Variants in CCDC93 observed in about 807,000 individuals in gnomAD.
The protein encoded by CCDC93 is coiled-coil domain-containing protein 93.
CCDC93 carries 61 observed loss-of-function variants against 108.2 expected under a neutral mutation model. The ratio of observed to expected loss-of-function variants is 0.56; its 90% CI spans 0.46 to 0.70. CCDC93 has a LOEUF of 0.70. Among genes scored for constraint, CCDC93 ranks in the 30% least tolerant of loss-of-function variants. The probability of loss-of-function intolerance (pLI) is 0.00; values close to 1 mark genes in which losing one functional copy is unlikely to be tolerated. For synonymous variants in CCDC93, 276 were observed against 260.4 expected (o/e 1.06, Z -0.58); for missense variants, 685 against 764.2 (o/e 0.90, Z 1.22).
Position 117,995,497 on chromosome 2 carries a change from A to C in CCDC93, c.468T>G (p.Asp156Glu). Residue 156 changes from aspartate (D) to glutamate (E), a missense_variant, in exon 6 of 24, where the codon GAT becomes GAG. Physicochemically the swap from Asp to Glu is conservative, Grantham distance 45 (BLOSUM62 2). Transcript: ENST00000376300. ...FQKTYSLPED[D>E]DFIKRKEKAI... ...CCTTTTCTTTTCTCTTTATGAAGTC[A>C]TCATCCTACAAGACAAAACAGAGCG... is the stretch of plus-strand genomic sequence containing the variant. 6.2e-7 allele frequency: 1 copy of C among 1,613,010 alleles called. No individual in the cohort carries two copies. The highest frequency in any genetic ancestry group is 2.2e-5 in the East Asian group (1 of 44,890).
chr2:117,990,666 TTG>T (rs1680449986), intron 6 of CCDC93, among the ~76,000 whole-genome samples: 1 of 151,760 alleles, frequency 6.6e-6, no homozygotes, highest in East Asian at 1.9e-4. Context: ...CAAACTATAG[TTG>T]AACTAGTTCC....
Position 117,917,911 on chromosome 2 carries a change from G to A in CCDC93, c.*2432C>T, listed in dbSNP as rs1220518264. 6.6e-6 allele frequency: 1 copy of A among 152,244 alleles called. No individual in the cohort carries two copies. Among genetic ancestry groups the A allele is most frequent in the Non-Finnish European group, 1.5e-5 (1 of 68,066 alleles). The allele number at this position is 152,244 out of a possible 1,614,324, so 9.4% of individuals were successfully genotyped here. A position where few individuals can be genotyped will look rare whatever the true frequency, so the allele number is the denominator to read the frequency against. ...AGCAACTCCCTGTGCTGATTGAGCAGGGAGCCTCTCTCTCCTGGGGAAACC... is the reference window on the plus strand; with the variant it reads ...AGCAACTCCCTGTGCTGATTGAGCAAGGAGCCTCTCTCTCCTGGGGAAACC... On this transcript the variant is annotated 3_prime_UTR_variant, in exon 24 of 24. Coordinates refer to ENST00000376300, the MANE Select transcript of CCDC93 (RefSeq NM_019044.5).
rs1015983933 is a variant in CCDC93, at chr2:117,935,587, A to G, written c.1644-8T>C. 5 of 1,606,848 alleles carry G rather than the reference A, an allele frequency of 3.1e-6. No homozygotes were observed. The Admixed American group carries it at 5.0e-5, about 16-fold the overall frequency. ...GCAGGGGAGGCCATGGCCCTGAAAG[A>G]AAAACCAGTAGAGTTATGACCGGCA... On this transcript the variant is annotated splice_polypyrimidine_tract_variant and splice_region_variant and intron_variant, in intron 21 of 23. Coordinates refer to ENST00000376300, the MANE Select transcript of CCDC93 (RefSeq NM_019044.5).
chr2:117,952,277 CACACAGACCGATGAA>C lies in CCDC93; in HGVS notation c.1068+81_1068+95del, dbSNP rs1261452905. 5 of 863,688 alleles carry C rather than the reference CACACAGACCGATGAA, an allele frequency of 5.8e-6. No homozygotes were observed. In the African/African-American group the frequency reaches 8.3e-5, roughly 14 times the overall value. The allele number at this position is 863,688 out of a possible 1,614,324, so 53.5% of individuals were successfully genotyped here. On this transcript the variant is annotated intron_variant, in intron 13 of 23. Transcript: ENST00000376300. The stretch of plus-strand genomic sequence containing the variant: ...TCTGAGAACAGGATCGTGTCTCCCA[CACACAGACCGATGAA>C]ACACATCATTCCATTAGTGGTTCAG...
chr2:118,002,479 G>A (rs1249909310), intron 3 of CCDC93, among the ~76,000 whole-genome samples: 3 of 152,290 alleles, frequency 2.0e-5, no homozygotes, highest in Admixed American at 1.3e-4. Context: ...CTGGTATCTG[G>A]AAAATAGCTT....
chr2:117,976,396 T>C (rs868847385), intron 8 of CCDC93, among the ~76,000 whole-genome samples: 11 of 152,112 alleles, frequency 7.2e-5, no homozygotes, highest in African/African-American at 2.2e-4. Context: ...AAACATGATA[T>C]ACTCAAATCC....
At chr2:117,930,097 AG>A in intron 23 of CCDC93, among the ~76,000 whole-genome samples, 1 of 152,236 alleles carries the variant, frequency 6.6e-6, no homozygotes, top group Non-Finnish European at 1.5e-5. Flanking sequence ...TGTGGCTTCT[AG>A]AAGTTAAATC....
At chr2:118,002,878 A>C (rs1397612250) in intron 3 of CCDC93, among the ~76,000 whole-genome samples, 2 of 152,202 alleles carry the variant, frequency 1.3e-5, no homozygotes, top group African/African-American at 4.8e-5. Context: ...CTGCATAAAA[A>C]AATTTAAAAA....
chr2:117,980,734 T>C (rs1237351423), intron 7 of CCDC93, among the ~76,000 whole-genome samples: 2 of 152,236 alleles, frequency 1.3e-5, no homozygotes, highest in African/African-American at 4.8e-5. Flanking sequence ...CATTTCAAAG[T>C]GTATTGCTCA....
chr2:117,933,381 G>A (rs1178745343), intron 22 of CCDC93, among the ~76,000 whole-genome samples: 2 of 152,112 alleles, frequency 1.3e-5, no homozygotes, highest in Non-Finnish European at 2.9e-5. Flanking sequence ...TTACTCAGAC[G>A]TACCATTGTT....
intron 10 of CCDC93, among the ~76,000 whole-genome samples, chr2:117,974,203 C>T (rs965049835): frequency 8.5e-5 from 13 of 152,066 alleles, no homozygotes; most frequent in African/African-American, 1.9e-4. Flanking sequence ...AGTCACTGAG[C>T]GGATGGTGCT....
At chr2:117,951,404 TGAAGA>T (rs1353220559) in intron 13 of CCDC93, 35 of 985,306 alleles carry the variant, frequency 3.6e-5, no homozygotes, top group Admixed American at 6.1e-5. Context: ...TGACAATAAC[TGAAGA>T]GGTTAGTCCA....
chr2:117,920,539 T>C, intron 23 of CCDC93, 143 bp from the exon 24 acceptor site: 2 of 504,596 alleles, frequency 4.0e-6, no homozygotes. Flanking sequence ...GCCGCCAGGA[T>C]GGTGAAGCTT....
At position 117,945,579 on chromosome 2, in the gene CCDC93, G is replaced by A. The variant is rs1165607279; in HGVS notation, c.1300C>T (p.Leu434Phe). The A allele has an allele frequency of 2.5e-6, 4 of 1,613,570 alleles. No individual in the cohort carries two copies. Among genetic ancestry groups the A allele is most frequent in the South Asian group, 1.1e-5 (1 of 91,074 alleles). Residue 434 changes from leucine to phenylalanine, a missense_variant, in exon 17 of 24, where the codon CTC (leucine) becomes TTC (phenylalanine). Coordinates refer to ENST00000376300, the MANE Select transcript of CCDC93 (RefSeq NM_019044.5). ...ERAPRGDEKT[L>F]SSGEPPGTLT... ...GTACCAGGCGGCTCTCCACTGGAGA[G>A]GGTCTGAAACAATGAAAACATAATA...
intron 23 of CCDC93, among the ~76,000 whole-genome samples, chr2:117,928,088 T>TA (rs141245665): frequency 0.37 from 55,497 of 152,000 alleles, 10,918 homozygotes; most frequent in African/African-American, 0.49. Flanking sequence ...ATCCCTTCGT[T>TA]ACACCTTATA....
At chr2:118,005,162 A>G (rs902865198) in intron 3 of CCDC93, among the ~76,000 whole-genome samples, 2 of 152,178 alleles carry the variant, frequency 1.3e-5, no homozygotes, top group Non-Finnish European at 2.9e-5. Context: ...GACATAGAAA[A>G]ATACTGTGTT....
At chr2:117,953,688 G>A (rs1441830255) in intron 12 of CCDC93, among the ~76,000 whole-genome samples, 1 of 148,262 alleles carries the variant, frequency 6.7e-6, no homozygotes, top group African/African-American at 2.5e-5. Context: ...CCTTATAAAA[G>A]AGGCTCAGTC....
At chr2:118,005,179 T>C (rs776844419) in intron 3 of CCDC93, among the ~76,000 whole-genome samples, 1 of 152,122 alleles carries the variant, frequency 6.6e-6, no homozygotes, top group East Asian at 1.9e-4. Context: ...TGTTCCCATA[T>C]CTATTAAAAG....
At chr2:117,983,043 T>C (rs1334578612) in intron 7 of CCDC93, among the ~76,000 whole-genome samples, 1 of 152,194 alleles carries the variant, frequency 6.6e-6, no homozygotes, top group Non-Finnish European at 1.5e-5. Flanking sequence ...TTCTCTTATC[T>C]ATATAAAGAC....
Sources: gnomAD v4.1 joint callset for allele counts (sites outside exome capture counted in the v4.1 genomes callset) on GRCh38, gnomAD v4.1.1 for gene constraint, MANE v1.5 for transcripts, NCBI Gene and HGNC (gene_info 2026-07-23, HGNC 2026-07-21) for gene names.